The following SUCO variants were observed in gnomAD, a reference collection of about 807,000 sequenced individuals.
The protein encoded by SUCO is SUN domain containing ossification factor, also known as SUN domain-containing ossification factor.
Under a neutral mutation model 148.1 loss-of-function variants are expected in SUCO, and 57 were observed. That is an observed-to-expected ratio of 0.38 (90% CI 0.31 to 0.48). The LOEUF (loss-of-function observed/expected upper bound fraction) is 0.48. SUCO is among the 20% of genes least tolerant of loss of function. The pLI is 0.96. For synonymous variants in SUCO, 470 were observed against 502.7 expected (o/e 0.93, Z 0.87); for missense variants, 1,331 against 1,468.2 (o/e 0.91, Z 1.53).
chr1:172,557,776 A>G lies in SUCO; in HGVS notation c.714A>G (p.Ser238=). The stretch of plus-strand genomic sequence containing the variant: ...ATCCAAAATCTGCATTGAATGCTTC[A>G]GATAATTTAAAAAATGAGGTAGGTA... The part of the protein sequence containing the change: ...GGDPKSALNA[S]DNLKNESSDY... The change falls in exon 6 of 24, where the codon TCA becomes TCG. Residue 238 remains serine, a synonymous_variant. Coordinates refer to ENST00000263688, the MANE Select transcript of SUCO (RefSeq NM_014283.5). The G allele has an allele frequency of 6.3e-7, 1 of 1,595,132 alleles. No individual in the cohort carries two copies.
At chr1:172,564,216 C>T (rs961679371) in intron 6 of SUCO, among the ~76,000 whole-genome samples, 2 of 152,248 alleles carry the variant, frequency 1.3e-5, no homozygotes, top group African/African-American at 4.8e-5. Flanking sequence ...CCCCCAATCC[C>T]CAGCATCCCC....
At position 172,554,745 on chromosome 1, in the gene SUCO, A is replaced by T. The variant is rs1443688714; in HGVS notation, c.289-1124A>T. Among the ~76,000 whole-genome samples the T allele has an allele frequency of 2.0e-5, 3 of 152,194 alleles. No homozygotes were observed. The East Asian group carries it at 5.8e-4, about 29-fold the overall frequency. On this transcript the variant is annotated intron_variant, in intron 3 of 23. Coordinates refer to ENST00000263688, the MANE Select transcript of SUCO (RefSeq NM_014283.5). ...AGAGTGAGACTCTGTCTCAAAAAAA[A>T]AAAAAAAAGCATGTAAAGTATCTCA...
intron 16 of SUCO, chr1:172,585,356 T>C (rs1656165496): frequency 6.1e-6 from 1 of 165,072 alleles, no homozygotes; most frequent in Non-Finnish European, 1.3e-5. Flanking sequence ...TTATTCCTTA[T>C]CTCTTTACCG....
intron 19 of SUCO, among the ~76,000 whole-genome samples, chr1:172,597,343 A>G (rs1396834172): frequency 6.6e-6 from 1 of 152,196 alleles, no homozygotes; most frequent in Non-Finnish European, 1.5e-5. Flanking sequence ...TAATGCAGAA[A>G]TCACCCGTCT....
rs544361984 is a variant in SUCO, at chr1:172,572,907, C to T, written c.1050-984C>T. 2.3e-4 allele frequency among the ~76,000 whole-genome samples: 35 copies of T among 151,994 alleles called. 1 individual carries two copies. Among genetic ancestry groups the T allele is most frequent in the Admixed American group, 3.3e-4 (5 of 15,270 alleles). On this transcript the variant is annotated intron_variant, in intron 9 of 23. Transcript: ENST00000263688. The stretch of plus-strand genomic sequence containing the variant: ...TTACATGTCATGGGTATTTATTTTC[C>T]GCCAATGCCATGCTATATGCAGTTT...
At chr1:172,577,151 T>C (rs1571242776) in intron 11 of SUCO, 1 of 285,960 alleles carries the variant, frequency 3.5e-6, no homozygotes, top group Non-Finnish European at 5.2e-6. Context: ...ATATATAAAT[T>C]CATATATGGA....
At chr1:172,591,150 T>C in intron 19 of SUCO, 79 bp downstream of exon 19, 4 of 1,053,864 alleles carry the variant, frequency 3.8e-6, no homozygotes, top group Non-Finnish European at 5.5e-6. Context: ...AAACAGTAAG[T>C]ATTGTAGTTT....
intron 1 of SUCO, among the ~76,000 whole-genome samples, chr1:172,550,663 A>G (rs549043314): frequency 6.6e-6 from 1 of 152,020 alleles, no homozygotes; most frequent in Non-Finnish European, 1.5e-5. Flanking sequence ...AGATCTATAT[A>G]GGTGTCTTTT....
intron 1 of SUCO, among the ~76,000 whole-genome samples, chr1:172,546,575 G>A (rs1164703376): frequency 6.6e-6 from 1 of 152,068 alleles, no homozygotes; most frequent in Non-Finnish European, 1.5e-5. Flanking sequence ...TTTAACCCCC[G>A]GTCCCTCACT....
At chr1:172,574,130 G>A (rs1401773668) in intron 10 of SUCO, 132 bp downstream of exon 10, 21 of 617,136 alleles carry the variant, frequency 3.4e-5, no homozygotes, top group Non-Finnish European at 5.1e-5. Flanking sequence ...TAATAACAAC[G>A]ATAATACGAC....
At position 172,543,070 on chromosome 1, in the gene SUCO, T is replaced by C. The variant is rs1475423701; in HGVS notation, c.63-8442T>C. 3.2e-6 allele frequency: 3 copies of C among 946,228 alleles called. No individual in the cohort carries two copies. The South Asian group carries it at 1.5e-4, about 46-fold the overall frequency. 58.6% of individuals were successfully genotyped at this position (946,228 alleles called of 1,614,324 possible). A position where few individuals can be genotyped will look rare whatever the true frequency, so the allele number is the denominator to read the frequency against. ...AAAAAAAGTTAACATGTAGAGTAGC[T>C]TCATACTTGTATGCTGCAACCCATT... is the stretch of plus-strand genomic sequence containing the variant. On this transcript the variant is annotated intron_variant, in intron 1 of 23. Transcript: ENST00000263688.
chr1:172,594,330 A>G (rs1218712472), intron 19 of SUCO, among the ~76,000 whole-genome samples: 2 of 151,716 alleles, frequency 1.3e-5, no homozygotes, highest in African/African-American at 2.4e-5. Flanking sequence ...TAGCTTTTGA[A>G]TGGTTTGCTC....
At position 172,610,857 on chromosome 1, in the gene SUCO, G is replaced by A. The variant is rs1658171384; in HGVS notation, c.*598G>A. 6.6e-6 allele frequency: 1 copy of A among 152,566 alleles called. No individual in the cohort carries two copies. The highest frequency in any genetic ancestry group is 1.5e-5 in the Non-Finnish European group (1 of 68,028). The allele number at this position is 152,566 out of a possible 1,614,324, so 9.5% of individuals were successfully genotyped here. On this transcript the variant is annotated 3_prime_UTR_variant, in exon 24 of 24. Coordinates refer to ENST00000263688, the MANE Select transcript of SUCO (RefSeq NM_014283.5). The stretch of plus-strand genomic sequence containing the variant: ...AATGAACACTTAATGGAATTTTTAA[G>A]TCTGTTCTGTTAGGTAGATGGTGAT...
At chr1:172,593,452 A>G (rs972107343) in intron 19 of SUCO, among the ~76,000 whole-genome samples, 9 of 152,200 alleles carry the variant, frequency 5.9e-5, no homozygotes, top group Admixed American at 1.3e-4. Context: ...ACATCCCATC[A>G]ATACCTAGTT....
rs1047565900 is a variant in SUCO at position 172,588,762 on chromosome 1, A to G, written c.1661A>G (p.Tyr554Cys). The change falls in exon 18 of 24, where the codon TAT becomes TGT. Residue 554 changes from tyrosine to cysteine, a missense_variant and splice_region_variant. Physicochemically the swap from Tyr to Cys is radical, Grantham distance 194. Around this residue, in one of 3 missense-constraint regions of SUCO, gnomAD observed 992 missense variants for 1,093.5 expected, o/e 0.91. Coordinates refer to ENST00000263688, the MANE Select transcript of SUCO (RefSeq NM_014283.5). ...AATTATGATATATGTATTTCTAGGT[A>G]TGTAACCACTGAAGTACACACACAT... ...PVSTPVPSPE[Y>C]VTTEVHTHDM... 9 of 1,473,386 alleles carry G rather than the reference A, an allele frequency of 6.1e-6. No homozygotes were observed. Among genetic ancestry groups the G allele is most frequent in the Non-Finnish European group, 8.1e-6 (9 of 1,109,190 alleles). The allele number at this position is 1,473,386 out of a possible 1,614,324, so 91.3% of individuals were successfully genotyped here.
At position 172,555,894 on chromosome 1, in the gene SUCO, C is replaced by G; in HGVS notation, c.314C>G (p.Pro105Arg). Reference protein sequence around the residue: ...VQNTESKKLSPPVVETLPTVD... With the variant: ...VQNTESKKLSRPVVETLPTVD... Reference sequence around the variant, plus strand: ...AATACAGAGTCAAAAAAGTTAAGTCCACCGGTGGTGGAGACACTCCCTACA... The same window carrying G: ...AATACAGAGTCAAAAAAGTTAAGTCGACCGGTGGTGGAGACACTCCCTACA... The change falls in exon 4 of 24, where the codon CCA becomes CGA. Residue 105 changes from proline to arginine, a missense_variant. Transcript: ENST00000263688. 1 of 1,611,498 alleles carries G rather than the reference C, an allele frequency of 6.2e-7. No homozygotes were observed. The highest frequency in any genetic ancestry group is 8.5e-7 in the Non-Finnish European group (1 of 1,178,582).
chr1:172,536,755 C>T (rs368231628), intron 1 of SUCO, among the ~76,000 whole-genome samples: 1 of 152,118 alleles, frequency 6.6e-6, no homozygotes, highest in Non-Finnish European at 1.5e-5. Flanking sequence ...CAACTGGGCT[C>T]GTTCTTTTTG....
At chr1:172,599,913 T>C in intron 19 of SUCO, 151 bp from the exon 20 acceptor site, 1 of 567,364 alleles carries the variant, frequency 1.8e-6, no homozygotes, top group East Asian at 3.2e-5. Flanking sequence ...TTTCTAAAAT[T>C]TCTGTTCAAA....
intron 15 of SUCO, among the ~76,000 whole-genome samples, chr1:172,583,292 G>A (rs1288849218): frequency 6.6e-6 from 1 of 152,110 alleles, no homozygotes; most frequent in African/African-American, 2.4e-5. Context: ...CAGTTTGCCA[G>A]GTCAAAGGGC....
Sources: allele counts gnomAD v4.1 joint callset (sites outside exome capture counted in the v4.1 genomes callset), GRCh38; gene constraint gnomAD v4.1.1; regional missense constraint gnomAD v4.1.1; transcripts MANE v1.5; gene names NCBI Gene and HGNC (gene_info 2026-07-23, HGNC 2026-07-21).